The following C6 variants were observed in gnomAD, a reference collection of about 807,000 sequenced individuals.
The protein encoded by C6 is complement component C6.
Under a neutral mutation model 112.9 loss-of-function variants are expected in C6, and 101 were observed. The observed-to-expected ratio is 0.89, with a 90% CI of 0.76 to 1.06. The LOEUF (loss-of-function observed/expected upper bound fraction) is 1.06. C6 is among the 50% of genes least tolerant of loss of function. The pLI, the probability that C6 is intolerant of heterozygous loss-of-function variation, is 0.00. For synonymous variants in C6, 431 were observed against 384.1 expected (o/e 1.12, Z -1.43); for missense variants, 1,202 against 1,104.6 (o/e 1.09, Z -1.25).
intron 1 of C6, among the ~76,000 whole-genome samples, chr5:41,205,191 A>G (rs1464936620): frequency 6.6e-6 from 1 of 152,156 alleles, no homozygotes; most frequent in East Asian, 1.9e-4. Flanking sequence ...TTTTACTCCA[A>G]CTCATAGATA....
In C6 at chr5:41,178,107, A is replaced by G. The variant is rs572625586; in HGVS notation, c.928-1392T>C. Among the ~76,000 whole-genome samples the G allele has an allele frequency of 6.6e-5, 10 of 152,320 alleles. No individual in the cohort carries two copies. In the South Asian group the frequency reaches 1.9e-3, roughly 28 times the overall value. On this transcript the variant is annotated intron_variant, in intron 7 of 17. Coordinates refer to ENST00000337836, the MANE Select transcript of C6 (RefSeq NM_000065.5). ...TCCATGGTGTTCTACTTGCTGGTTC[A>G]TGATACCTGAAACTGGCTATTTTAG...
At chr5:41,237,770 A>C (rs1266584468) in intron 1 of C6, among the ~76,000 whole-genome samples, 1 of 41,096 alleles carries the variant, frequency 2.4e-5, no homozygotes, top group Non-Finnish European at 4.8e-5. Context: ...TTCAATTAGG[A>C]AAAGAGGAAG....
chr5:41,157,280 C>T (rs1424539333), intron 13 of C6, among the ~76,000 whole-genome samples: 2 of 152,114 alleles, frequency 1.3e-5, no homozygotes, highest in Admixed American at 6.5e-5. Context: ...TGAAAGCCTT[C>T]GTGTGTTTTA....
At chr5:41,168,095 C>G (rs960781690) in intron 9 of C6, among the ~76,000 whole-genome samples, 1 of 152,194 alleles carries the variant, frequency 6.6e-6, no homozygotes, top group African/African-American at 2.4e-5. Flanking sequence ...GATGAGCAAA[C>G]TTTCCACTCA....
intron 1 of C6, among the ~76,000 whole-genome samples, chr5:41,230,235 C>G (rs1283393521): frequency 6.6e-6 from 1 of 152,004 alleles, no homozygotes; most frequent in African/African-American, 2.4e-5. Context: ...GGGAAGATAA[C>G]CATAAGGTCT....
In C6 at chr5:41,228,893, C is replaced by T. The variant is rs142966398; in HGVS notation, c.-20-25643G>A. Among the ~76,000 whole-genome samples, 485 of 152,256 alleles carry T rather than the reference C, an allele frequency of 3.2e-3. 2 individuals are homozygous for T. Among genetic ancestry groups the T allele is most frequent in the Middle Eastern group, 0.01 (3 of 294 alleles). On this transcript the variant is annotated intron_variant, in intron 1 of 17. Coordinates refer to the C6 transcript ENST00000263413. ...TATGGAAGGCTTTTGCACCTATGTT[C>T]CACAGGAATATTGACCTGTAGTTTT...
At chr5:41,207,970 A>G (rs1270571670) in intron 1 of C6, among the ~76,000 whole-genome samples, 1 of 152,226 alleles carries the variant, frequency 6.6e-6, no homozygotes, top group Non-Finnish European at 1.5e-5. Context: ...TTGACCACAG[A>G]GTTGGAAGTA....
intron 1 of C6, among the ~76,000 whole-genome samples, chr5:41,257,241 T>C (rs994136485): frequency 5.9e-5 from 9 of 152,262 alleles, no homozygotes; most frequent in African/African-American, 2.2e-4. Context: ...TAAGCAACGT[T>C]TAGCTCCCAC....
At chr5:41,255,288 G>A (rs1266018512) in intron 1 of C6, among the ~76,000 whole-genome samples, 3 of 151,780 alleles carry the variant, frequency 2.0e-5, no homozygotes, top group African/African-American at 7.3e-5. Flanking sequence ...TTAAACCTGG[G>A]AGGCGGCGGC....
chr5:41,159,552 G>A (rs1747269677), intron 11 of C6: 2 of 611,208 alleles, frequency 3.3e-6, no homozygotes, highest in South Asian at 7.3e-5. Flanking sequence ...TTTTAAAAAT[G>A]TGCACTCATA....
chr5:41,180,301 C>T (rs950100374), intron 7 of C6, among the ~76,000 whole-genome samples: 1 of 152,136 alleles, frequency 6.6e-6, no homozygotes, highest in African/African-American at 2.4e-5. Context: ...ATTCAGGGCT[C>T]ATTCTCCTCA....
chr5:41,159,580 ATCT>A lies in C6; in HGVS notation c.1685-330_1685-328del, dbSNP rs1747272774. ...CACTCATATGTGTATAAATATAAAC[ATCT>A]TCTTAACAGAATGCATATTAAATTA... is the stretch of plus-strand genomic sequence containing the variant. On this transcript the variant is annotated intron_variant, in intron 11 of 17. Coordinates refer to ENST00000337836, the MANE Select transcript of C6 (RefSeq NM_000065.5). 4.7e-5 allele frequency: 18 copies of A among 381,820 alleles called. No individual in the cohort carries two copies. The South Asian group carries it at 1.7e-3, about 37-fold the overall frequency. The allele number at this position is 381,820 out of a possible 1,614,324, so 23.7% of individuals were successfully genotyped here. A position where few individuals can be genotyped will look rare whatever the true frequency, so the allele number is the denominator to read the frequency against.
chr5:41,159,720 G>T (rs1242864999), intron 11 of C6, among the ~76,000 whole-genome samples: 1 of 152,002 alleles, frequency 6.6e-6, no homozygotes, highest in African/African-American at 2.4e-5. Flanking sequence ...TTTGGTTGTG[G>T]CTTAATTTAT....
In C6 at chr5:41,153,799, C is replaced by G. The variant is rs774188891; in HGVS notation, c.2290+11G>C. ...CCTTATCAGACCCCAGAACACTGAG[C>G]TGCTACTCACCTTTTTCACAGGTGA... On this transcript the variant is annotated intron_variant, in intron 15 of 17. Coordinates refer to ENST00000337836, the MANE Select transcript of C6 (RefSeq NM_000065.5). The G allele has an allele frequency of 1.2e-6, 2 of 1,605,418 alleles. No homozygotes were observed. Among genetic ancestry groups the G allele is most frequent in the Non-Finnish European group, 8.5e-7 (1 of 1,173,414 alleles).
intron 7 of C6, among the ~76,000 whole-genome samples, chr5:41,177,137 G>A (rs765684821): frequency 1.3e-5 from 2 of 152,194 alleles, no homozygotes; most frequent in Non-Finnish European, 2.9e-5. Context: ...TTATGCAAGT[G>A]AGATTCAAGT....
chr5:41,203,927 C>T (rs1295940672), intron 1 of C6, among the ~76,000 whole-genome samples: 3 of 152,148 alleles, frequency 2.0e-5, no homozygotes, highest in Non-Finnish European at 4.4e-5. Context: ...TCTAACAATC[C>T]TAAGTACTGT....
intron 1 of C6, among the ~76,000 whole-genome samples, chr5:41,211,102 T>C (rs1751880859): frequency 6.6e-6 from 1 of 152,068 alleles, no homozygotes; most frequent in South Asian, 2.1e-4. Context: ...ATGGATGAAG[T>C]TGGAAACCAT....
chr5:41,210,702 C>A (rs540590402), intron 1 of C6, among the ~76,000 whole-genome samples: 6 of 152,156 alleles, frequency 3.9e-5, no homozygotes, highest in African/African-American at 1.4e-4. Context: ...CATCTCACAC[C>A]AGTTAGAATG....
intron 9 of C6, among the ~76,000 whole-genome samples, chr5:41,164,583 G>A (rs953266583): frequency 6.6e-6 from 1 of 152,184 alleles, no homozygotes; most frequent in Non-Finnish European, 1.5e-5. Flanking sequence ...AACAATGAAA[G>A]GTTTTGAGGT....
Sources: gnomAD v4.1 joint callset for allele counts (sites outside exome capture counted in the v4.1 genomes callset) on GRCh38, gnomAD v4.1.1 for gene constraint, MANE v1.5 for transcripts, NCBI Gene and HGNC (gene_info 2026-07-23, HGNC 2026-07-21) for gene names.